DLG2: variants seen among roughly 807,000 people sequenced by gnomAD.
DLG2 encodes the protein disks large homolog 2.
DLG2 carries 45 observed loss-of-function variants against 132.5 expected under a neutral mutation model. That is an observed-to-expected ratio of 0.34 (90% CI 0.27 to 0.44). The LOEUF (loss-of-function observed/expected upper bound fraction) is 0.44. Among genes scored for constraint, DLG2 ranks in the 20% least tolerant of loss-of-function variants. DLG2 has a pLI of 1.00. For missense variants in DLG2, 1,045 were observed against 1,196.9 expected, an observed-to-expected ratio of 0.87 and a Z score of 1.87; for synonymous variants, 424 against 419.6, an observed-to-expected ratio of 1.01 and a Z score of -0.13.
At chr11:84,093,696 C>G (rs2097128485) in intron 10 of DLG2, among the ~76,000 whole-genome samples, 1 of 152,032 alleles carries the variant, frequency 6.6e-6, no homozygotes, top group Admixed American at 6.5e-5. Flanking sequence ...CTTACTGCAA[C>G]CTCTGCCTCC....
At chr11:85,535,341 T>C (rs2075509049) in intron 3 of DLG2, among the ~76,000 whole-genome samples, 1 of 152,086 alleles carries the variant, frequency 6.6e-6, no homozygotes, top group Non-Finnish European at 1.5e-5. Context: ...ATAAAGATTA[T>C]ACCAATTTGA....
chr11:84,431,422 C>T (rs1420580223), intron 7 of DLG2, among the ~76,000 whole-genome samples: 1 of 152,050 alleles, frequency 6.6e-6, no homozygotes, highest in African/African-American at 2.4e-5. Context: ...AAATATTAAC[C>T]ATTGTTGTTT....
At chr11:84,177,673 CT>C (rs1238540211) in intron 8 of DLG2, among the ~76,000 whole-genome samples, 1 of 152,158 alleles carries the variant, frequency 6.6e-6, no homozygotes, top group Non-Finnish European at 1.5e-5. Context: ...AAGTTTGACT[CT>C]GCCAGTTAAT....
intron 17 of DLG2, among the ~76,000 whole-genome samples, chr11:83,801,261 A>G (rs1231502713): frequency 6.6e-6 from 1 of 151,816 alleles, no homozygotes; most frequent in Non-Finnish European, 1.5e-5. Flanking sequence ...ATACTACAGT[A>G]GCCTCGATGG....
chr11:85,350,287 C>G (rs900915782), intron 3 of DLG2, among the ~76,000 whole-genome samples: 1 of 152,070 alleles, frequency 6.6e-6, no homozygotes, highest in South Asian at 2.1e-4. Flanking sequence ...TGTTTAAGTT[C>G]TTTGTAGATT....
chr11:83,673,179 T>G (rs1592202196), intron 18 of DLG2, among the ~76,000 whole-genome samples: 1 of 152,210 alleles, frequency 6.6e-6, no homozygotes, highest in Admixed American at 6.5e-5. Context: ...TCCATATAAT[T>G]TTTAGTCATG....
chr11:85,473,717 T>C (rs1400624350), intron 3 of DLG2, among the ~76,000 whole-genome samples: 1 of 151,946 alleles, frequency 6.6e-6, no homozygotes, highest in African/African-American at 2.4e-5. Context: ...GTATATTCCC[T>C]AGAGGTAGAC....
chr11:84,706,583 C>T (rs926045710), intron 6 of DLG2, among the ~76,000 whole-genome samples: 8 of 151,694 alleles, frequency 5.3e-5, no homozygotes, highest in African/African-American at 1.7e-4. Flanking sequence ...AACATTAACA[C>T]GCTGGTACTG....
chr11:85,247,804 T>C (rs138076378), intron 4 of DLG2, among the ~76,000 whole-genome samples: 1 of 152,180 alleles, frequency 6.6e-6, no homozygotes, highest in African/African-American at 2.4e-5. Context: ...TAGCTCATCA[T>C]TTTCCTAAAT....
chr11:83,656,160 C>T (rs985277230), intron 18 of DLG2, among the ~76,000 whole-genome samples: 1 of 152,242 alleles, frequency 6.6e-6, no homozygotes, highest in Non-Finnish European at 1.5e-5. Flanking sequence ...CAACCCTGAA[C>T]AGTCAGCAGG....
chr11:83,980,754 G>A, intron 11 of DLG2, 112 bp from the exon 12 acceptor site: 1 of 1,040,636 alleles, frequency 9.6e-7, no homozygotes, highest in Non-Finnish European at 1.3e-6. Flanking sequence ...TCAACTTATT[G>A]TAACAGCAAT....
intron 5 of DLG2, among the ~76,000 whole-genome samples, chr11:85,137,097 C>T (rs180857624): frequency 7.4e-4 from 112 of 152,002 alleles, no homozygotes; most frequent in African/African-American, 2.6e-3. Flanking sequence ...AAAATCCAGT[C>T]TGATGTAAGA....
chr11:83,562,259 T>G (rs1364254534), intron 19 of DLG2, among the ~76,000 whole-genome samples: 3 of 151,978 alleles, frequency 2.0e-5, no homozygotes, highest in Non-Finnish European at 4.4e-5. Context: ...TACACTCTTA[T>G]ATAGTTAAAG....
chr11:83,982,479 G>GT (rs1371639590), intron 11 of DLG2, among the ~76,000 whole-genome samples: 1 of 76,020 alleles, frequency 1.3e-5, no homozygotes, highest in African/African-American at 5.8e-5. Context: ...AGTTTAACGT[G>GT]TAAAAAAAAA....
At chr11:84,161,587 T>C (rs1235359585) in intron 9 of DLG2, among the ~76,000 whole-genome samples, 2 of 152,154 alleles carry the variant, frequency 1.3e-5, no homozygotes, top group African/African-American at 4.8e-5. Flanking sequence ...GTTGTCTGAC[T>C]CCTATTGAGT....
chr11:83,817,760 T>C (rs2049457623), intron 17 of DLG2, among the ~76,000 whole-genome samples: 1 of 152,016 alleles, frequency 6.6e-6, no homozygotes, highest in Non-Finnish European at 1.5e-5. Flanking sequence ...TTCATAGTCC[T>C]AGCTATTTGA....
rs186738418 is a variant in DLG2 at position 83,669,271 on chromosome 11, C to A, written c.1826-35946G>T. ...ATTTACTGCAAAATAATATTCGCAC[C>A]TCTAGCAATAACTTTTCAATTCAGA... is the stretch of plus-strand genomic sequence containing the variant. On this transcript the variant is annotated intron_variant, in intron 18 of 27. Transcript: ENST00000376104. Among the ~76,000 whole-genome samples, 6 of 152,200 alleles carry A rather than the reference C, an allele frequency of 3.9e-5. No homozygotes were observed. The East Asian group carries it at 1.2e-3, about 29-fold the overall frequency.
intron 19 of DLG2, among the ~76,000 whole-genome samples, chr11:83,567,743 G>A (rs183839590): frequency 6.6e-6 from 1 of 152,202 alleles, no homozygotes; most frequent in Non-Finnish European, 1.5e-5. Flanking sequence ...AGTGAAGATG[G>A]CAGCTGCATG....
intron 15 of DLG2, among the ~76,000 whole-genome samples, chr11:83,880,642 A>G (rs1209004241): frequency 6.6e-6 from 1 of 152,178 alleles, no homozygotes; most frequent in African/African-American, 2.4e-5. Context: ...TGAATGGAGA[A>G]TTCCACCATT....
Sources: gnomAD v4.1 joint callset for allele counts (sites outside exome capture counted in the v4.1 genomes callset) on GRCh38, gnomAD v4.1.1 for gene constraint, MANE v1.5 for transcripts, NCBI Gene and HGNC (gene_info 2026-07-23, HGNC 2026-07-21) for gene names.